Variants in SLC2A12 observed in about 807,000 individuals in gnomAD.
SLC2A12 encodes solute carrier family 2 member 12.
A neutral mutation model predicts 41.8 loss-of-function variants in SLC2A12; 23 were observed. That is an observed-to-expected ratio of 0.55 (90% confidence interval 0.40 to 0.78). SLC2A12 has a LOEUF of 0.78. SLC2A12 is among the 30% of genes least tolerant of loss of function. The probability of loss-of-function intolerance (pLI) is 0.00; values close to 1 mark genes in which losing one functional copy is unlikely to be tolerated. For missense variants in SLC2A12, 654 were observed against 745.6 expected (o/e 0.88, Z 1.43); for synonymous variants, 295 against 285.9 (o/e 1.03, Z -0.32).
chr6:134,047,324 T>A (rs138697933), intron 1 of SLC2A12, among the ~76,000 whole-genome samples: 18 of 152,336 alleles, frequency 1.2e-4, no homozygotes, highest in African/African-American at 4.3e-4. Context: ...TGTTGCATAG[T>A]AATGGAGGGC....
At chr6:134,042,647 G>A (rs571897007) in intron 1 of SLC2A12, among the ~76,000 whole-genome samples, 1 of 152,160 alleles carries the variant, frequency 6.6e-6, no homozygotes, top group African/African-American at 2.4e-5. Flanking sequence ...CAAGAAGCCT[G>A]AGGATTTTTT....
chr6:134,035,456 G>T (rs930558629), intron 1 of SLC2A12, among the ~76,000 whole-genome samples: 2 of 152,156 alleles, frequency 1.3e-5, no homozygotes, highest in African/African-American at 4.8e-5. Context: ...GACAGGCCTT[G>T]CTGGGTTTCT....
intron 2 of SLC2A12, among the ~76,000 whole-genome samples, chr6:134,025,455 A>C (rs1252712947): frequency 2.0e-5 from 3 of 152,254 alleles, no homozygotes; most frequent in Non-Finnish European, 4.4e-5. Context: ...ACTAGGTGTC[A>C]ATAAATATTA....
chr6:134,038,549 A>AG, intron 1 of SLC2A12, among the ~76,000 whole-genome samples: 1 of 150,764 alleles, frequency 6.6e-6, no homozygotes, highest in East Asian at 2.0e-4. Flanking sequence ...TAGTAGAGAC[A>AG]GGGCTTCACC....
chr6:133,992,793 G>C (rs1776640787), intron 4 of SLC2A12, among the ~76,000 whole-genome samples: 1 of 152,182 alleles, frequency 6.6e-6, no homozygotes, highest in Admixed American at 6.5e-5. Context: ...CAGTACTTGA[G>C]GAAGTGGGCT....
intron 4 of SLC2A12, among the ~76,000 whole-genome samples, chr6:134,001,755 T>C (rs1018782322): frequency 1.4e-5 from 2 of 147,542 alleles, no homozygotes; most frequent in African/African-American, 5.1e-5. Context: ...CTTTGTAGTT[T>C]GAAAAAAAAA....
At chr6:133,999,858 G>A (rs1776734849) in intron 4 of SLC2A12, among the ~76,000 whole-genome samples, 4 of 152,210 alleles carry the variant, frequency 2.6e-5, no homozygotes, top group Admixed American at 6.5e-5. Context: ...AAGGAAGGAT[G>A]AGAAATGGAG....
rs1777059115 is a variant in SLC2A12, at chr6:134,022,567, AGAAAAG to A, written c.1444+5808_1444+5813del. 1.9e-4 allele frequency among the ~76,000 whole-genome samples: 16 copies of A among 85,422 alleles called. 1 individual carries two copies. In the South Asian group the frequency reaches 4.7e-3, roughly 25 times the overall value. 56.0% of individuals were successfully genotyped at this position (85,422 alleles called of 152,430 possible). A position where few individuals can be genotyped will look rare whatever the true frequency, so the allele number is the denominator to read the frequency against. On this transcript the variant is annotated intron_variant, in intron 2 of 4. Transcript: ENST00000275230. ...AGAAAAGAAAAGAAAAGAAAAGAAAAGAAAAGAAAAGAAAAGAAAAGAAAAGAAAAA... is the reference window on the plus strand; with the variant it reads ...AGAAAAGAAAAGAAAAGAAAAGAAAAAAAAGAAAAGAAAAGAAAAGAAAAA...
chr6:134,026,178 C>G (rs1256052051), intron 2 of SLC2A12, among the ~76,000 whole-genome samples: 1 of 152,092 alleles, frequency 6.6e-6, no homozygotes, highest in Non-Finnish European at 1.5e-5. Context: ...AGACTCTTAG[C>G]TAATCTTGAC....
At chr6:134,001,235 A>T (rs1776750765) in intron 4 of SLC2A12, among the ~76,000 whole-genome samples, 1 of 152,180 alleles carries the variant, frequency 6.6e-6, no homozygotes. Flanking sequence ...TGGGTGCACC[A>T]AAATCTCACG....
In SLC2A12 at chr6:134,028,445, C is replaced by CA; in HGVS notation, c.1379dup (p.Leu460PhefsTer46). The CA allele has an allele frequency of 6.2e-7, 1 of 1,614,170 alleles. No individual in the cohort carries two copies. Among genetic ancestry groups the CA allele is most frequent in the Non-Finnish European group, 8.5e-7 (1 of 1,180,016 alleles). ...GCAAGCTGGCTAAGGACAGCCATTT[C>CA]AAAAAAGCTGGGACGTCCCCAGGGT... On this transcript the variant is annotated frameshift_variant, in exon 2 of 5. Transcript: ENST00000275230. LOFTEE classifies it high-confidence loss of function.
chr6:134,010,942 C>T (rs1344265527), intron 2 of SLC2A12, among the ~76,000 whole-genome samples: 8 of 152,104 alleles, frequency 5.3e-5, no homozygotes, highest in Admixed American at 5.2e-4. Context: ...CCTTCTATGC[C>T]TTCAGATTTA....
chr6:134,016,019 T>G (rs1260646346), intron 2 of SLC2A12, among the ~76,000 whole-genome samples: 1 of 152,172 alleles, frequency 6.6e-6, no homozygotes, highest in African/African-American at 2.4e-5. Context: ...TTGTTTCGAA[T>G]AGAAAGAAAG....
intron 2 of SLC2A12, among the ~76,000 whole-genome samples, chr6:134,019,599 G>A (rs966434158): frequency 6.6e-6 from 1 of 152,122 alleles, no homozygotes; most frequent in Non-Finnish European, 1.5e-5. Flanking sequence ...TTTGACATAC[G>A]GGTTTTAATA....
chr6:133,998,727 A>G (rs1776722785), intron 4 of SLC2A12, among the ~76,000 whole-genome samples: 1 of 152,168 alleles, frequency 6.6e-6, no homozygotes, highest in Non-Finnish European at 1.5e-5. Context: ...TTTTTGGTAG[A>G]GATGGGGTTT....
At chr6:134,009,959 T>C (rs1452689425) in intron 2 of SLC2A12, among the ~76,000 whole-genome samples, 2 of 152,208 alleles carry the variant, frequency 1.3e-5, no homozygotes, top group Non-Finnish European at 2.9e-5. Flanking sequence ...TGCAGCAAGA[T>C]AGACTCACTG....
In SLC2A12 at chr6:134,028,736, G is replaced by A. The variant is rs149271240; in HGVS notation, c.1089C>T (p.Ile363=). ...VMAASLVTMG[I]VNLNIHMNFT... ...AGTTCATGTGGATGTTGAGATTTACGATGCCCATGGTCACCAACGAAGCTG... is the reference window on the plus strand; with the variant it reads ...AGTTCATGTGGATGTTGAGATTTACAATGCCCATGGTCACCAACGAAGCTG... Residue 363 remains isoleucine, a synonymous_variant, in exon 2 of 5, where the codon ATC becomes ATT. Transcript: ENST00000275230. 175 of 1,614,114 alleles carry A rather than the reference G, an allele frequency of 1.1e-4. No homozygotes were observed. In the Middle Eastern group the frequency reaches 4.0e-3, roughly 37 times the overall value.
chr6:134,052,324 G>A (rs1334204415), intron 1 of SLC2A12, 54 bp downstream of exon 1: 2 of 1,376,162 alleles, frequency 1.5e-6, no homozygotes, highest in Admixed American at 1.7e-5. Context: ...ACACTCGGGA[G>A]ATGAGTACAG....
chr6:134,011,330 A>C (rs9376002), intron 2 of SLC2A12, among the ~76,000 whole-genome samples: 29,563 of 152,032 alleles, frequency 0.19, 3,034 homozygotes, highest in East Asian at 0.31. Flanking sequence ...TTCTTTAAAA[A>C]TAAGTATACG....
Sources: gnomAD v4.1 joint callset for allele counts (sites outside exome capture counted in the v4.1 genomes callset) on GRCh38, gnomAD v4.1.1 for gene constraint, MANE v1.5 for transcripts, NCBI Gene and HGNC (gene_info 2026-07-23, HGNC 2026-07-21) for gene names.